ECI2: variants seen among roughly 807,000 people sequenced by gnomAD.
ECI2 encodes enoyl-CoA delta isomerase 2.
A neutral mutation model predicts 38.4 loss-of-function variants in ECI2; 27 were observed. That is an observed-to-expected ratio of 0.70 (90% CI 0.52 to 0.97). ECI2 has a LOEUF of 0.97. Among genes scored for constraint, ECI2 ranks in the 50% least tolerant of loss-of-function variants. The probability of loss-of-function intolerance (pLI) is 0.00; values close to 1 mark genes in which losing one functional copy is unlikely to be tolerated. For missense variants in ECI2, 470 were observed against 474.4 expected (o/e 0.99, Z 0.09); for synonymous variants, 168 against 172.0 (o/e 0.98, Z 0.18).
Position 4,117,444 on chromosome 6 carries a change from T to C in ECI2, c.893A>G (p.Glu298Gly). 6.2e-7 allele frequency: 1 copy of C among 1,610,694 alleles called. No individual in the cohort carries two copies. ...TAACTTCTTTCCAAAAATAAGCATC[T>C]CTGTTGCCTGAAATGAAAAGCAAGA... ...PKIMSPAKAT[E>G]MLIFGKKLTA... Residue 298 changes from glutamate (E) to glycine (G), a missense_variant, in exon 9 of 10, where the codon GAG becomes GGG. Physicochemically the swap from Glu to Gly is moderately conservative, Grantham distance 98. Coordinates refer to ENST00000380118, the MANE Select transcript of ECI2 (RefSeq NM_206836.3).
intron 4 of ECI2, 103 bp downstream of exon 4, chr6:4,130,269 G>A (rs1561658281): frequency 1.2e-6 from 2 of 1,613,342 alleles, no homozygotes. Flanking sequence ...TCAAACAAGA[G>A]ATATCTTAAA....
chr6:4,120,747 G>A lies in ECI2; in HGVS notation c.796-1472C>T, dbSNP rs1581969179. 1.3e-5 allele frequency among the ~76,000 whole-genome samples: 2 copies of A among 152,048 alleles called. 1 individual carries two copies. The highest frequency in any genetic ancestry group is 2.9e-5 in the Non-Finnish European group (2 of 67,992). ...AAAAAGAAAAGGTATAGTAAGATAT[G>A]GTGTTATAATCTTAGGAGACCAGCG... On this transcript the variant is annotated intron_variant, in intron 7 of 9. Transcript: ENST00000380118.
At chr6:4,126,596 T>C (rs180883075) in intron 5 of ECI2, among the ~76,000 whole-genome samples, 74 of 152,202 alleles carry the variant, frequency 4.9e-4, no homozygotes, top group African/African-American at 1.8e-3. Flanking sequence ...GAAGAACAGT[T>C]TACACAAAGG....
chr6:4,117,394 C>A lies in ECI2; in HGVS notation c.943G>T (p.Gly315Ter), dbSNP rs745779761. 1.2e-6 allele frequency: 2 copies of A among 1,614,000 alleles called. No homozygotes were observed. Among genetic ancestry groups the A allele is most frequent in the African/African-American group, 2.7e-5 (2 of 74,922 alleles). The change falls in exon 9 of 10, where the codon GGA becomes TGA. Residue 315 changes from glycine to a stop codon, truncating the protein, a stop_gained. Transcript: ENST00000380118. LOFTEE classifies it high-confidence loss of function. ...KLTAGEACAQ[G>*]LVTEVFPDST... ...TCAGGGAAAACTTCAGTAACAAGTCCTTGAGCACATGCCTCTCCCGCTGTT... is the reference window on the plus strand; with the variant it reads ...TCAGGGAAAACTTCAGTAACAAGTCATTGAGCACATGCCTCTCCCGCTGTT...
intron 1 of ECI2, chr6:4,135,036 G>T: frequency 2.3e-6 from 1 of 435,120 alleles, no homozygotes; most frequent in South Asian, 1.6e-5. Context: ...TCTGTACCCG[G>T]CCATTTCACT....
chr6:4,117,694 CA>C (rs1772375219), intron 8 of ECI2: 1 of 399,344 alleles, frequency 2.5e-6, no homozygotes. Flanking sequence ...GGGGCAAGAT[CA>C]GGGGGTCCAG....
Position 4,117,356 on chromosome 6 carries a change from C to G in ECI2, c.981G>C (p.Gln327His). Residue 327 changes from glutamine to histidine, a missense_variant, in exon 9 of 10, where the codon CAG (glutamine) becomes CAC (histidine). Physicochemically the swap from Gln to His is conservative, Grantham distance 24. Transcript: ENST00000380118. The stretch of plus-strand genomic sequence containing the variant: ...CCTTCAGCCTGGTCCAGACTTCTTT[C>G]TGAAAAGTGCTATCAGGGAAAACTT... The part of the protein sequence containing the change: ...VTEVFPDSTF[Q>H]KEVWTRLKAF... The G allele has an allele frequency of 6.2e-7, 1 of 1,613,852 alleles. No homozygotes were observed. Among genetic ancestry groups the G allele is most frequent in the Non-Finnish European group, 8.5e-7 (1 of 1,179,890 alleles).
chr6:4,128,974 T>C (rs1235098529), intron 4 of ECI2, among the ~76,000 whole-genome samples: 1 of 152,144 alleles, frequency 6.6e-6, no homozygotes. Flanking sequence ...ATTATTATAG[T>C]TATGATAACA....
At chr6:4,123,083 A>G (rs1772910967) in intron 7 of ECI2, among the ~76,000 whole-genome samples, 1 of 152,166 alleles carries the variant, frequency 6.6e-6, no homozygotes, top group African/African-American at 2.4e-5. Flanking sequence ...ATTTAATATG[A>G]TATTTATTCT....
At chr6:4,134,459 G>A (rs1773635274) in intron 1 of ECI2, among the ~76,000 whole-genome samples, 2 of 152,170 alleles carry the variant, frequency 1.3e-5, no homozygotes, top group South Asian at 4.1e-4. Context: ...GTGAGCGGGG[G>A]TGGGGTGGCA....
chr6:4,124,408 T>TA (rs1319983782), intron 7 of ECI2, among the ~76,000 whole-genome samples: 1 of 152,200 alleles, frequency 6.6e-6, no homozygotes, highest in Non-Finnish European at 1.5e-5. Context: ...TCTTCAGTGG[T>TA]AAAAACCATA....
chr6:4,123,363 G>C (rs1037492208), intron 7 of ECI2, among the ~76,000 whole-genome samples: 1 of 151,752 alleles, frequency 6.6e-6, no homozygotes, highest in Non-Finnish European at 1.5e-5. Context: ...TTTTAGTAGA[G>C]ATGGTGTTTC....
intron 7 of ECI2, among the ~76,000 whole-genome samples, chr6:4,121,371 G>C (rs1213735007): frequency 6.6e-6 from 1 of 151,950 alleles, no homozygotes; most frequent in Admixed American, 6.6e-5. Flanking sequence ...TAGAGCGTCA[G>C]GCAAATCTTT....
intron 8 of ECI2, 156 bp from the exon 9 acceptor site, chr6:4,117,607 C>T (rs965432514): frequency 1.6e-5 from 16 of 972,664 alleles, no homozygotes; most frequent in African/African-American, 6.7e-5. Context: ...CAATAGGCAA[C>T]GGTTTGCAAA....
intron 7 of ECI2, chr6:4,122,136 T>G (rs1772834917): frequency 1.4e-6 from 1 of 694,260 alleles, no homozygotes; most frequent in African/African-American, 1.8e-5. Context: ...GGCTCTGGCG[T>G]CAGACTACTT....
Position 4,115,803 on chromosome 6 carries a change from G to T in ECI2, c.*71C>A, listed in dbSNP as rs1772218782. On this transcript the variant is annotated 3_prime_UTR_variant, in exon 10 of 10. Coordinates refer to ENST00000380118, the MANE Select transcript of ECI2 (RefSeq NM_206836.3). ...CAAAAGGCACAATGAAGCTTATTTA[G>T]TTCCAGTACTGGAAATCAGAGGTAA... The T allele has an allele frequency of 1.3e-6, 2 of 1,538,924 alleles. No individual in the cohort carries two copies. The highest frequency in any genetic ancestry group is 3.8e-5 in the Admixed American group (2 of 52,424).
chr6:4,126,102 C>T (rs1008163630), intron 6 of ECI2, 33 bp downstream of exon 6: 7 of 1,575,640 alleles, frequency 4.4e-6, no homozygotes, highest in Non-Finnish European at 6.1e-6. Context: ...AGAACGGGCC[C>T]TCTGGGATCA....
chr6:4,117,404 T>G lies in ECI2; in HGVS notation c.933A>C (p.Ala311=). 6.2e-7 allele frequency: 1 copy of G among 1,614,132 alleles called. No individual in the cohort carries two copies. Among genetic ancestry groups the G allele is most frequent in the Non-Finnish European group, 8.5e-7 (1 of 1,180,004 alleles). The part of the protein sequence containing the change: ...IFGKKLTAGE[A]CAQGLVTEVF... ...CTTCAGTAACAAGTCCTTGAGCACA[T>G]GCCTCTCCCGCTGTTAACTTCTTTC... Residue 311 remains alanine (A), a synonymous_variant, in exon 9 of 10, where the codon GCA becomes GCC. Coordinates refer to ENST00000380118, the MANE Select transcript of ECI2 (RefSeq NM_206836.3).
chr6:4,126,197 G>C lies in ECI2; in HGVS notation c.612C>G (p.Asn204Lys). The part of the protein sequence containing the change: ...DYYSSGNDLT[N>K]FTDIPPGGVE... ...CTCCACCAGGGGGAATATCAGTGAA[G>C]TTAGTCAGATCATTCCCACTACTGT... The change falls in exon 6 of 10, where the codon AAC becomes AAG. Residue 204 changes from asparagine (N) to lysine (K), a missense_variant. Physicochemically the swap from Asn to Lys is moderately conservative, Grantham distance 94. Transcript: ENST00000380118. 1 of 1,613,800 alleles carries C rather than the reference G, an allele frequency of 6.2e-7. No homozygotes were observed. Among genetic ancestry groups the C allele is most frequent in the Non-Finnish European group, 8.5e-7 (1 of 1,179,958 alleles).
Sources: allele counts gnomAD v4.1 joint callset (sites outside exome capture counted in the v4.1 genomes callset), GRCh38; gene constraint gnomAD v4.1.1; transcripts MANE v1.5; gene names NCBI Gene and HGNC (gene_info 2026-07-23, HGNC 2026-07-21).